RMDN3: variants seen among roughly 807,000 people sequenced by gnomAD.
The protein encoded by RMDN3 is regulator of microtubule dynamics 3, also known as regulator of microtubule dynamics protein 3.
Under a neutral mutation model 61.8 loss-of-function variants are expected in RMDN3, and 41 were observed. The observed-to-expected ratio is 0.66, with a 90% CI of 0.52 to 0.86. RMDN3 has a LOEUF of 0.86. RMDN3 is among the 40% of genes least tolerant of loss of function. RMDN3 has a pLI of 0.00. For missense variants in RMDN3, 557 were observed against 585.3 expected (o/e 0.95, Z 0.50); for synonymous variants, 247 against 232.0 (o/e 1.06, Z -0.59).
intron 6 of RMDN3, among the ~76,000 whole-genome samples, 191 bp from the exon 7 acceptor site, chr15:40,740,384 C>T (rs760640208): frequency 6.6e-6 from 1 of 152,196 alleles, no homozygotes; most frequent in Non-Finnish European, 1.5e-5. Context: ...CGCCTCTGTG[C>T]TGTGTAATCC....
chr15:40,745,140 A>T lies in RMDN3; in HGVS notation c.644T>A (p.Leu215Ter). The change falls in exon 5 of 13, where the codon TTG (leucine) becomes TAG (stop). Residue 215 changes from leucine (L) to a stop codon, truncating the protein, a stop_gained. Transcript: ENST00000338376. LOFTEE classifies it high-confidence loss of function. The stretch of plus-strand genomic sequence containing the variant: ...GGCACCTGAAGCTGCCTCTTCCTCC[A>T]AGTCAAGAGAATCCTTTCTCCCCAT... The part of the protein sequence containing the change: ...VKMGRKDSLD[L>*]EEEAASGASS... 6.2e-7 allele frequency: 1 copy of T among 1,614,134 alleles called. No homozygotes were observed. Among genetic ancestry groups the T allele is most frequent in the Non-Finnish European group, 8.5e-7 (1 of 1,180,012 alleles).
At chr15:40,754,003 A>G (rs1566812412) in intron 2 of RMDN3, among the ~76,000 whole-genome samples, 1 of 152,152 alleles carries the variant, frequency 6.6e-6, no homozygotes, top group Non-Finnish European at 1.5e-5. Context: ...ACCCAACACT[A>G]AGCAAGTGCC....
intron 6 of RMDN3, among the ~76,000 whole-genome samples, chr15:40,743,799 G>A (rs1454999829): frequency 1.3e-5 from 2 of 152,200 alleles, no homozygotes; most frequent in African/African-American, 2.4e-5. Context: ...ACATTGATAG[G>A]ATACAACTAC....
At position 40,750,185 on chromosome 15, in the gene RMDN3, C is replaced by T. The variant is rs117491525; in HGVS notation, c.524+1241G>A. ...CGGCCTCCCAAGTAGCTGGGACTAC[C>T]GACCCATGCCACCATGCCCAGCTCG... On this transcript the variant is annotated intron_variant, in intron 4 of 12. Transcript: ENST00000338376. 1.5e-3 allele frequency among the ~76,000 whole-genome samples: 229 copies of T among 149,748 alleles called. 4 individuals carry two copies. The East Asian group carries it at 0.035, about 23-fold the overall frequency.
At chr15:40,741,330 AC>A (rs942225813) in intron 6 of RMDN3, among the ~76,000 whole-genome samples, 4 of 151,604 alleles carry the variant, frequency 2.6e-5, no homozygotes, top group Non-Finnish European at 5.9e-5. Flanking sequence ...ACATAGGCAG[AC>A]CCCATCTCTT....
rs755629017 is a variant in RMDN3, at chr15:40,736,205, A to AGC, written c.*334_*335dup. 1.3e-5 allele frequency: 4 copies of AGC among 315,910 alleles called. No homozygotes were observed. Among genetic ancestry groups the AGC allele is most frequent in the Non-Finnish European group, 2.3e-5 (4 of 173,630 alleles). 19.6% of individuals were successfully genotyped at this position (315,910 alleles called of 1,614,324 possible). On this transcript the variant is annotated 3_prime_UTR_variant, in exon 13 of 13. Transcript: ENST00000338376. ...GACAAGTTATGTGCTTTGTTCCTAT[A>AGC]GCTTTGAAGTTCATCCACCTCACCA...
At chr15:40,744,244 A>G in intron 5 of RMDN3, 95 bp from the exon 6 acceptor site, 1 of 1,161,012 alleles carries the variant, frequency 8.6e-7, no homozygotes, top group Non-Finnish European at 1.3e-6. Context: ...TTGAATTTCC[A>G]AGCTAGTATG....
At chr15:40,751,946 A>C (rs374145058) in intron 3 of RMDN3, 40 bp downstream of exon 3, 1 of 1,589,164 alleles carries the variant, frequency 6.3e-7, no homozygotes, top group Non-Finnish European at 8.6e-7. Context: ...GAAAAGCTGC[A>C]GGGGAGGGAT....
chr15:40,736,833 A>T (rs1363739362), intron 12 of RMDN3, among the ~76,000 whole-genome samples: 5 of 152,154 alleles, frequency 3.3e-5, no homozygotes, highest in Non-Finnish European at 7.4e-5. Context: ...TCACATGATG[A>T]TTCAGTGATG....
intron 6 of RMDN3, among the ~76,000 whole-genome samples, chr15:40,742,995 C>T (rs1897342885): frequency 1.3e-5 from 2 of 152,194 alleles, no homozygotes; most frequent in Non-Finnish European, 2.9e-5. Flanking sequence ...TTGGTCTGTT[C>T]TTTCTCCATT....
chr15:40,753,698 C>T (rs890872376), intron 2 of RMDN3, among the ~76,000 whole-genome samples: 6 of 152,180 alleles, frequency 3.9e-5, no homozygotes, highest in Admixed American at 2.6e-4. Flanking sequence ...TAAGCGTGCT[C>T]CTAGCCCTAT....
In RMDN3 at chr15:40,754,748, G is replaced by A. The variant is rs751606449; in HGVS notation, c.36C>T (p.Ala12=). ...CGGTACCCAGCAACAGTCCCAGCCC[G>A]GCACGGGCACCACCCAGGGCTCCCA... The part of the protein sequence containing the change: ...SRLGALGGAR[A]GLGLLLGTAA... The change falls in exon 2 of 13, where the codon GCC becomes GCT. Residue 12 remains alanine, a synonymous_variant. Transcript: ENST00000338376. 13 of 1,610,922 alleles carry A rather than the reference G, an allele frequency of 8.1e-6. No individual in the cohort carries two copies. The highest frequency in any genetic ancestry group is 1.1e-5 in the Non-Finnish European group (13 of 1,178,904).
intron 5 of RMDN3, 133 bp from the exon 6 acceptor site, chr15:40,744,282 C>A: frequency 1.4e-6 from 1 of 721,356 alleles, no homozygotes; most frequent in Admixed American, 2.3e-5. Flanking sequence ...AGGCCAGCTC[C>A]TACACGCAGC....
intron 7 of RMDN3, 128 bp downstream of exon 7, chr15:40,740,005 T>C (rs1596041255): frequency 1.4e-6 from 1 of 693,264 alleles, no homozygotes; most frequent in African/African-American, 1.8e-5. Flanking sequence ...CATGTGGAGA[T>C]ACAAGCCAGA....
intron 4 of RMDN3, among the ~76,000 whole-genome samples, chr15:40,746,065 G>A (rs1436180888): frequency 6.6e-6 from 1 of 152,180 alleles, no homozygotes; most frequent in Non-Finnish European, 1.5e-5. Flanking sequence ...CATATGCCAG[G>A]TGGCTCCTAA....
chr15:40,737,435 G>T, intron 10 of RMDN3, 94 bp from the exon 11 acceptor site: 1 of 1,288,434 alleles, frequency 7.8e-7, no homozygotes, highest in Non-Finnish European at 1.1e-6. Context: ...CCAACCATGT[G>T]GCTGATTCAG....
chr15:40,751,374 A>C, intron 4 of RMDN3, 52 bp downstream of exon 4: 1 of 1,587,662 alleles, frequency 6.3e-7, no homozygotes, highest in Non-Finnish European at 8.6e-7. Context: ...TAATACTTTT[A>C]CAAAACACAA....
intron 6 of RMDN3, 77 bp from the exon 7 acceptor site, chr15:40,740,270 C>CT: frequency 1.0e-6 from 1 of 956,486 alleles, no homozygotes; most frequent in Admixed American, 1.9e-5. Flanking sequence ...GGAAGAATGA[C>CT]TGCTTTAGCT....
chr15:40,747,276 C>T (rs780648934), intron 4 of RMDN3, among the ~76,000 whole-genome samples: 1 of 152,196 alleles, frequency 6.6e-6, no homozygotes. Context: ...GGGACCTGAG[C>T]TGCGATGCTG....
Sources: allele counts gnomAD v4.1 joint callset (sites outside exome capture counted in the v4.1 genomes callset), GRCh38; gene constraint gnomAD v4.1.1; transcripts MANE v1.5; gene names NCBI Gene and HGNC (gene_info 2026-07-23, HGNC 2026-07-21).